The following TTC21B variants were observed in gnomAD, a reference collection of about 807,000 sequenced individuals.
TTC21B encodes the protein tetratricopeptide repeat domain 21B, also known as tetratricopeptide repeat protein 21B.
A neutral mutation model predicts 175.1 loss-of-function variants in TTC21B; 127 were observed. That is an observed-to-expected ratio of 0.73 (90% CI 0.63 to 0.84). TTC21B has a LOEUF of 0.84. Ranked by LOEUF, TTC21B falls within the 40% of genes least tolerant of loss-of-function variation. The pLI, the probability that TTC21B is intolerant of heterozygous loss-of-function variation, is 0.00. For synonymous variants in TTC21B, 524 were observed against 524.5 expected, an observed-to-expected ratio of 1.00 and a Z score of 0.01; for missense variants, 1,561 against 1,558.3, an observed-to-expected ratio of 1.00 and a Z score of -0.03.
chr2:165,901,907 G>A lies in TTC21B; in HGVS notation c.2572C>T (p.Arg858Ter), dbSNP rs895624584. ...TTTAGTACCCGAGCTTGTAATTCTC[G>A]AGCCTAGAAAAAATCAGTATAAAAG... is the stretch of plus-strand genomic sequence containing the variant. ...GDAITALQQA[R>*]ELQARVLKRV... Residue 858 changes from arginine (R) to a stop codon, truncating the protein, a stop_gained, in exon 20 of 29, where the codon CGA (arginine) becomes TGA (stop). Coordinates refer to ENST00000243344, the MANE Select transcript of TTC21B (RefSeq NM_024753.5). LOFTEE classifies it high-confidence loss of function. The A allele has an allele frequency of 5.0e-6, 8 of 1,612,168 alleles. No homozygotes were observed. Among genetic ancestry groups the A allele is most frequent in the Non-Finnish European group, 5.9e-6 (7 of 1,179,418 alleles).
At chr2:165,930,041 C>G in intron 9 of TTC21B, 131 bp downstream of exon 9, 1 of 796,692 alleles carries the variant, frequency 1.3e-6, no homozygotes, top group Non-Finnish European at 2.0e-6. Flanking sequence ...ATGACTTTTT[C>G]GAGTGTGGGC....
chr2:165,936,421 C>T (rs1440616687), intron 6 of TTC21B, among the ~76,000 whole-genome samples: 2 of 151,904 alleles, frequency 1.3e-5, no homozygotes, highest in African/African-American at 4.8e-5. Context: ...TTAGATAATA[C>T]ACAAAAGGCA....
intron 3 of TTC21B, 99 bp from the exon 4 acceptor site, chr2:165,945,789 T>C (rs1014664154): frequency 4.3e-6 from 5 of 1,159,028 alleles, no homozygotes; most frequent in South Asian, 2.8e-5. Context: ...CTTCTCTCTA[T>C]AGTGGTACTG....
chr2:165,940,837 G>T (rs1307710971), intron 6 of TTC21B, among the ~76,000 whole-genome samples, 190 bp downstream of exon 6: 1 of 152,018 alleles, frequency 6.6e-6, no homozygotes, highest in Admixed American at 6.6e-5. Flanking sequence ...CTTAAACCAG[G>T]AATCAAATAT....
intron 4 of TTC21B, among the ~76,000 whole-genome samples, chr2:165,944,457 C>T (rs1439364800): frequency 1.3e-5 from 2 of 152,128 alleles, no homozygotes; most frequent in African/African-American, 4.8e-5. Context: ...AAATTTTGAA[C>T]TTTGTACTCA....
intron 26 of TTC21B, 140 bp downstream of exon 26, chr2:165,883,654 C>T: frequency 1.4e-6 from 1 of 703,428 alleles, no homozygotes; most frequent in Middle Eastern, 3.9e-4. Context: ...ATGCTTGTTT[C>T]CTGATTGTGG....
chr2:165,930,942 GACA>G (rs1686884063), intron 8 of TTC21B, among the ~76,000 whole-genome samples: 1 of 151,782 alleles, frequency 6.6e-6, no homozygotes, highest in African/African-American at 2.4e-5. Context: ...AATTTTTCAA[GACA>G]ACAAACTTTA....
rs1410048746 is a variant in TTC21B, at chr2:165,940,928, C to G, written c.710+99G>C. 1.2e-5 allele frequency: 16 copies of G among 1,365,782 alleles called. No homozygotes were observed. In the South Asian group the frequency reaches 1.8e-4, roughly 16 times the overall value. 84.6% of individuals were successfully genotyped at this position (1,365,782 alleles called of 1,614,324 possible). A position where few individuals can be genotyped will look rare whatever the true frequency, so the allele number is the denominator to read the frequency against. On this transcript the variant is annotated intron_variant, in intron 6 of 28. Coordinates refer to ENST00000243344, the MANE Select transcript of TTC21B (RefSeq NM_024753.5). The stretch of plus-strand genomic sequence containing the variant: ...CGGTTCCACACTGTTTGAAAAAAAT[C>G]AAATTTAAAAACCCTTATGAAAAAA...
intron 6 of TTC21B, among the ~76,000 whole-genome samples, chr2:165,939,799 C>T (rs1574135797): frequency 6.6e-6 from 1 of 152,142 alleles, no homozygotes; most frequent in East Asian, 1.9e-4. Flanking sequence ...ATCACCCTGT[C>T]CAGCTGAAGC....
chr2:165,926,605 T>C (rs115796494), intron 11 of TTC21B, among the ~76,000 whole-genome samples: 219 of 152,248 alleles, frequency 1.4e-3, no homozygotes, highest in African/African-American at 5.0e-3. Flanking sequence ...TTGATTGTAC[T>C]GAAGGATGCA....
intron 22 of TTC21B, 92 bp from the exon 23 acceptor site, chr2:165,891,080 C>G: frequency 9.1e-7 from 1 of 1,102,984 alleles, no homozygotes; most frequent in East Asian, 2.5e-5. Context: ...TAATTTACTT[C>G]ATATAAAGTA....
At chr2:165,948,085 T>G (rs1275604485) in intron 3 of TTC21B, 1 of 152,216 alleles carries the variant, frequency 6.6e-6, no homozygotes, top group Non-Finnish European at 1.5e-5. Context: ...CAGAAGAGCC[T>G]AATCCTGAAC....
rs777879832 is a variant in TTC21B, at chr2:165,912,464, G to C, written c.2322+50C>G. On this transcript the variant is annotated intron_variant, in intron 17 of 28. Coordinates refer to ENST00000243344, the MANE Select transcript of TTC21B (RefSeq NM_024753.5). ...CTCGCTGAAGCTTCTCGAGGACAGG[G>C]TATGATAAATTTGATGCAACAGACA... The C allele has an allele frequency of 1.4e-5, 19 of 1,386,564 alleles. No individual in the cohort carries two copies. In the Admixed American group the frequency reaches 3.2e-4, roughly 23 times the overall value. 85.9% of individuals were successfully genotyped at this position (1,386,564 alleles called of 1,614,324 possible). A position where few individuals can be genotyped will look rare whatever the true frequency, so the allele number is the denominator to read the frequency against.
At position 165,943,292 on chromosome 2, in the gene TTC21B, T is replaced by G; in HGVS notation, c.479A>C (p.Tyr160Ser). 3.1e-6 allele frequency: 5 copies of G among 1,611,724 alleles called. No homozygotes were observed. Among genetic ancestry groups the G allele is most frequent in the Non-Finnish European group, 4.2e-6 (5 of 1,177,860 alleles). The change falls in exon 5 of 29, where the codon TAC becomes TCC. Residue 160 changes from tyrosine (Y) to serine (S), a missense_variant. By Grantham distance (144) the Tyr-to-Ser change is moderately radical (BLOSUM62 -2). Coordinates refer to ENST00000243344, the MANE Select transcript of TTC21B (RefSeq NM_024753.5). ...AAAATACTTCAGTGCTTTTTTAGTG[T>G]AAGGCTCTTTTCCTCTTGTAATATC... Reference protein sequence around the residue: ...WLDITRGKEPYTKKALKYFEE... With the variant: ...WLDITRGKEPSTKKALKYFEE...
intron 3 of TTC21B, chr2:165,948,936 A>C (rs1274752112): frequency 5.9e-6 from 1 of 169,372 alleles, no homozygotes; most frequent in East Asian, 1.7e-4. Flanking sequence ...CTACTGCATA[A>C]AAATTTGCTG....
intron 1 of TTC21B, 50 bp downstream of exon 1, chr2:165,953,635 G>A: frequency 6.6e-7 from 1 of 1,507,218 alleles, no homozygotes; most frequent in Non-Finnish European, 8.8e-7. Flanking sequence ...AGGCCGCAAA[G>A]GAACTCCGCC....
rs1687351462 is a variant in TTC21B at position 165,941,103 on chromosome 2, G to A, written c.634C>T (p.Leu212Phe). 2 of 1,613,902 alleles carry A rather than the reference G, an allele frequency of 1.2e-6. No homozygotes were observed. The highest frequency in any genetic ancestry group is 1.7e-5 in the Admixed American group (1 of 59,978). Residue 212 changes from leucine (L) to phenylalanine (F), a missense_variant, in exon 6 of 29, where the codon CTT (leucine) becomes TTT (phenylalanine). Coordinates refer to ENST00000243344, the MANE Select transcript of TTC21B (RefSeq NM_024753.5). ...TTCATTTTCTTAACAAAAGCAGGAAGGAAGCTCGGAAAATTCACGATTATC... is the reference window on the plus strand; with the variant it reads ...TTCATTTTCTTAACAAAAGCAGGAAAGAAGCTCGGAAAATTCACGATTATC... The part of the protein sequence containing the change: ...NQIIVNFPSF[L>F]PAFVKKMKLQ...
At position 165,930,208 on chromosome 2, in the gene TTC21B, T is replaced by C; in HGVS notation, c.1051A>G (p.Met351Val). 6.2e-7 allele frequency: 1 copy of C among 1,613,340 alleles called. No individual in the cohort carries two copies. Residue 351 changes from methionine (M) to valine (V), a missense_variant, in exon 9 of 29, where the codon ATG becomes GTG. Physicochemically the swap from Met to Val is conservative, Grantham distance 21. Coordinates refer to ENST00000243344, the MANE Select transcript of TTC21B (RefSeq NM_024753.5). ...GACACACTAGTCTCATCAAGTGTCA[T>C]GGCGGTCTTATACCACTTCAGTGCC... ...KEALKWYKTA[M>V]TLDETSVSAL...
In TTC21B at chr2:165,874,729, A is replaced by G. The variant is rs1559032899; in HGVS notation, c.*26T>C. The G allele has an allele frequency of 6.3e-7, 1 of 1,599,606 alleles. No individual in the cohort carries two copies. The highest frequency in any genetic ancestry group is 8.6e-7 in the Non-Finnish European group (1 of 1,166,944). On this transcript the variant is annotated 3_prime_UTR_variant, in exon 29 of 29. Transcript: ENST00000243344. ...GTTAGATTTCTTTCATTTCCTGTTA[A>G]ACCAACACCTAAGTTAAAATTATTT...
Sources: allele counts gnomAD v4.1 joint callset (sites outside exome capture counted in the v4.1 genomes callset), GRCh38; gene constraint gnomAD v4.1.1; transcripts MANE v1.5; gene names NCBI Gene and HGNC (gene_info 2026-07-23, HGNC 2026-07-21).